The following TRAF2 variants were observed in gnomAD, a reference collection of about 807,000 sequenced individuals.
The protein encoded by TRAF2 is TNF receptor-associated factor 2.
In TRAF2, 6 loss-of-function variants were observed where a neutral mutation model predicts 55.6. The ratio of observed to expected loss-of-function variants is 0.11; its 90% confidence interval spans 0.06 to 0.21. The LOEUF (loss-of-function observed/expected upper bound fraction) is 0.21. TRAF2 is among the 10% of genes least tolerant of loss of function. The pLI is 1.00. For missense variants in TRAF2, 561 were observed against 684.5 expected (o/e 0.82, Z 2.01); for synonymous variants, 329 against 276.3 (o/e 1.19, Z -1.89).
chr9:136,902,904 C>T (rs1239504585), intron 4 of TRAF2, among the ~76,000 whole-genome samples: 2 of 152,168 alleles, frequency 1.3e-5, no homozygotes, highest in African/African-American at 2.4e-5. Flanking sequence ...GGGGAAAATC[C>T]TGCTTAGCTT....
upstream of TRAF2, chr9:136,881,992 G>A: frequency 2.0e-6 from 2 of 985,606 alleles, no homozygotes; most frequent in Non-Finnish European, 2.4e-6. Context: ...CTGAAAAAGA[G>A]GCAAGCTCTC....
At chr9:136,889,488 T>C (rs1849529973) in intron 1 of TRAF2, 1 of 152,132 alleles carries the variant, frequency 6.6e-6, no homozygotes, top group South Asian at 2.1e-4. Context: ...TTCTCCACTT[T>C]GGTGAGGCTG....
At chr9:136,904,089 C>A (rs1045672894) in intron 4 of TRAF2, among the ~76,000 whole-genome samples, 2 of 152,246 alleles carry the variant, frequency 1.3e-5, no homozygotes, top group African/African-American at 2.4e-5. Flanking sequence ...CCCCGCAGCA[C>A]CTGCCAGCCT....
chr9:136,908,638 G>A (rs191415034), intron 5 of TRAF2, among the ~76,000 whole-genome samples: 197 of 152,208 alleles, frequency 1.3e-3, no homozygotes, highest in Non-Finnish European at 2.5e-3. Flanking sequence ...AGGCCGAGGC[G>A]GGCAGATCAC....
At chr9:136,893,744 T>G (rs1025002415) in intron 1 of TRAF2, among the ~76,000 whole-genome samples, 2 of 152,150 alleles carry the variant, frequency 1.3e-5, no homozygotes, top group East Asian at 1.9e-4. Context: ...GTAGTGACCC[T>G]TTTTCTTTTT....
Position 136,901,593 on chromosome 9 carries a change from G to GA in TRAF2, c.366+1074dup, listed in dbSNP as rs960355854. ...TGGGTACAGGAAGTAGAATGGAGGA[G>GA]ACAGGGGTCATTGTTCAGTGAGTAC... On this transcript the variant is annotated intron_variant, in intron 4 of 10. Coordinates refer to ENST00000247668, the MANE Select transcript of TRAF2 (RefSeq NM_021138.4). 1.3e-4 allele frequency among the ~76,000 whole-genome samples: 20 copies of GA among 152,338 alleles called. No individual in the cohort carries two copies. In the South Asian group the frequency reaches 2.1e-3, roughly 16 times the overall value.
In TRAF2 at chr9:136,900,436, T is replaced by C. The variant is rs997213364; in HGVS notation, c.282T>C (p.Asn94=). ...CCTCTCCCCAGGCCTTCCCAGATAATGCTGCCCGCAGGGAGGTGGAGAGCC... is the reference window on the plus strand; with the variant it reads ...CCTCTCCCCAGGCCTTCCCAGATAACGCTGCCCGCAGGGAGGTGGAGAGCC... The part of the protein sequence containing the change: ...ILESSSAFPD[N]AARREVESLP... The change falls in exon 4 of 11, where the codon AAT becomes AAC. Residue 94 remains asparagine, a synonymous_variant. Transcript: ENST00000247668. The C allele has an allele frequency of 6.2e-7, 1 of 1,604,546 alleles. No individual in the cohort carries two copies. The highest frequency in any genetic ancestry group is 1.3e-5 in the African/African-American group (1 of 74,896).
intron 9 of TRAF2, among the ~76,000 whole-genome samples, chr9:136,922,102 G>A (rs746206532): frequency 6.6e-6 from 1 of 152,234 alleles, no homozygotes; most frequent in Non-Finnish European, 1.5e-5. Flanking sequence ...TCAGCACTGG[G>A]GGCCATGGCA....
intron 6 of TRAF2, among the ~76,000 whole-genome samples, chr9:136,914,367 T>C (rs1338246740): frequency 6.6e-6 from 1 of 152,144 alleles, no homozygotes; most frequent in Admixed American, 6.5e-5. Context: ...CTCTTCTCCT[T>C]CAGCTTCCTG....
At chr9:136,923,828 C>T in intron 9 of TRAF2, 24 bp from the exon 10 acceptor site, 1 of 1,610,320 alleles carries the variant, frequency 6.2e-7, no homozygotes, top group Non-Finnish European at 8.5e-7. Flanking sequence ...GTCAGCTCAC[C>T]AGGCACCCCT....
chr9:136,898,515 C>T (rs1849738480), intron 1 of TRAF2, 198 bp from the exon 2 acceptor site: 1 of 927,362 alleles, frequency 1.1e-6, no homozygotes. Flanking sequence ...CCTGAGTTTC[C>T]ATACTAGCGG....
intron 4 of TRAF2, 40 bp from the exon 5 acceptor site, chr9:136,908,030 C>T (rs1370642865): frequency 1.9e-6 from 3 of 1,568,984 alleles, no homozygotes; most frequent in Non-Finnish European, 1.7e-6. Flanking sequence ...CCCAAATGTC[C>T]CACGCGAGTT....
rs541392337 is a variant in TRAF2 at position 136,907,820 on chromosome 9, G to A, written c.367-250G>A. 1.2e-4 allele frequency among the ~76,000 whole-genome samples: 19 copies of A among 152,240 alleles called. No homozygotes were observed. The East Asian group carries it at 3.5e-3, about 28-fold the overall frequency. On this transcript the variant is annotated intron_variant, in intron 4 of 10. Coordinates refer to ENST00000247668, the MANE Select transcript of TRAF2 (RefSeq NM_021138.4). ...CTGGTGGTGGCAAGGCATCCACACAGAGACCCCCATGGCAGAGCATCCCCT... is the reference window on the plus strand; with the variant it reads ...CTGGTGGTGGCAAGGCATCCACACAAAGACCCCCATGGCAGAGCATCCCCT...
chr9:136,925,622 CG>C, intron 10 of TRAF2, 60 bp from the exon 11 acceptor site: 1 of 1,560,650 alleles, frequency 6.4e-7, no homozygotes, highest in South Asian at 1.1e-5. Flanking sequence ...TCCAGACCCT[CG>C]GGAGCCAGAG....
chr9:136,889,353 G>A (rs1164495058), intron 1 of TRAF2, among the ~76,000 whole-genome samples: 3 of 150,788 alleles, frequency 2.0e-5, no homozygotes, highest in African/African-American at 7.3e-5. Context: ...GTGCGATCTC[G>A]GCTCGCTGCA....
Position 136,898,719 on chromosome 9 carries a change from G to C in TRAF2, c.-22G>C, listed in dbSNP as rs756545548. ...GCTGTGTGTTCTTCCTTAGGGCTTT[G>C]TTCGCGGGGGTCACAGCTCTCATGG... is the stretch of plus-strand genomic sequence containing the variant. On this transcript the variant is annotated 5_prime_UTR_variant, in exon 2 of 11. Coordinates refer to ENST00000247668, the MANE Select transcript of TRAF2 (RefSeq NM_021138.4). 6.2e-7 allele frequency: 1 copy of C among 1,612,828 alleles called. No individual in the cohort carries two copies. The highest frequency in any genetic ancestry group is 2.2e-5 in the East Asian group (1 of 44,892).
chr9:136,913,295 A>ATTTTTTTTTTTTTTTTTTTTTTTTTTTTT (rs369765173), intron 6 of TRAF2, among the ~76,000 whole-genome samples: 2 of 87,068 alleles, frequency 2.3e-5, no homozygotes, highest in African/African-American at 5.0e-5. Context: ...TTATAAAGGA[A>ATTTTTTTTTTTTTTTTTTTTTTTTTTTTT]TTTTTTTTTT....
intron 1 of TRAF2, among the ~76,000 whole-genome samples, chr9:136,888,743 A>G (rs569442506): frequency 2.0e-4 from 30 of 152,320 alleles, no homozygotes; most frequent in African/African-American, 7.0e-4. Flanking sequence ...CACACACCAG[A>G]GTCAGGATGC....
At position 136,912,502 on chromosome 9, in the gene TRAF2, C is replaced by A. The variant is rs72761069; in HGVS notation, c.603+2508C>A. ...GTGTTGCAAATCTTGGTTCCTAACA[C>A]TGGTAACGTATTTGTTTTATGTTAT... On this transcript the variant is annotated intron_variant, in intron 6 of 10. Coordinates refer to ENST00000247668, the MANE Select transcript of TRAF2 (RefSeq NM_021138.4). Among the ~76,000 whole-genome samples the A allele has an allele frequency of 7.1e-3, 1,086 of 152,196 alleles. 7 individuals are homozygous for A. Among genetic ancestry groups the A allele is most frequent in the Admixed American group, 0.016 (245 of 15,264 alleles).
Sources: allele counts gnomAD v4.1 joint callset (sites outside exome capture counted in the v4.1 genomes callset), GRCh38; gene constraint gnomAD v4.1.1; transcripts MANE v1.5; gene names NCBI Gene and HGNC (gene_info 2026-07-23, HGNC 2026-07-21).